The following MTA3 variants were observed in gnomAD, a reference collection of about 807,000 sequenced individuals.
MTA3 encodes the protein metastasis-associated protein MTA3.
Under a neutral mutation model 83.5 loss-of-function variants are expected in MTA3, and 34 were observed. The observed-to-expected ratio is 0.41, with a 90% CI of 0.31 to 0.54. The LOEUF (loss-of-function observed/expected upper bound fraction) is 0.54, where lower values mean the gene tolerates loss of function less well. Ranked by LOEUF, MTA3 falls within the 20% of genes least tolerant of loss-of-function variation. The probability of loss-of-function intolerance (pLI) is 0.33; values close to 1 mark genes in which losing one functional copy is unlikely to be tolerated. For missense variants in MTA3, 761 were observed against 726.4 expected, an observed-to-expected ratio of 1.05 and a Z score of -0.55; for synonymous variants, 303 against 252.7, an observed-to-expected ratio of 1.20 and a Z score of -1.89.
At chr2:42,517,012 C>T (rs1007379589) in intron 2 of MTA3, among the ~76,000 whole-genome samples, 13 of 152,112 alleles carry the variant, frequency 8.5e-5, no homozygotes, top group Non-Finnish European at 1.9e-4. Flanking sequence ...GTAAACCCAG[C>T]ACTTTGGGAG....
intron 4 of MTA3, among the ~76,000 whole-genome samples, chr2:42,637,791 CTG>C (rs1225630563): frequency 6.6e-6 from 1 of 151,952 alleles, no homozygotes. Context: ...TCATTATAAC[CTG>C]TGTTTCCTTA....
intron 4 of MTA3, among the ~76,000 whole-genome samples, chr2:42,620,539 C>A (rs898236914): frequency 2.2e-4 from 33 of 152,150 alleles, no homozygotes; most frequent in African/African-American, 7.5e-4. Context: ...GTTGCTCAGG[C>A]TAGAGTACAG....
chr2:42,538,709 TAA>T (rs74857025), intron 2 of MTA3, among the ~76,000 whole-genome samples: 2 of 75,474 alleles, frequency 2.6e-5, no homozygotes, highest in Admixed American at 1.6e-4. Context: ...TGACTCTTTC[TAA>T]AAAAAAAAAA....
chr2:42,709,407 A>C (rs3816186), intron 14 of MTA3: 449,551 of 756,188 alleles, frequency 0.59, 137,316 homozygotes, highest in African/African-American at 0.84. Context: ...GCCCTTATTG[A>C]AGCACTTTTA....
chr2:42,638,667 G>C (rs771480150), intron 4 of MTA3, among the ~76,000 whole-genome samples: 7 of 150,350 alleles, frequency 4.7e-5, no homozygotes, highest in Non-Finnish European at 1.0e-4. Context: ...CACAATTGTT[G>C]TCTTTTCAGT....
At chr2:42,601,478 TTTG>T (rs987070498) in intron 3 of MTA3, among the ~76,000 whole-genome samples, 7 of 152,134 alleles carry the variant, frequency 4.6e-5, no homozygotes, top group East Asian at 1.9e-4. Flanking sequence ...CCTTGTCTGT[TTTG>T]TTGTTGTTGT....
chr2:42,709,256 G>A, intron 14 of MTA3, 160 bp downstream of exon 14: 5 of 1,420,202 alleles, frequency 3.5e-6, no homozygotes, highest in Non-Finnish European at 4.6e-6. Flanking sequence ...TTTGTGTGCT[G>A]CCATTTGTAT....
At chr2:42,680,793 C>T (rs186159110) in intron 8 of MTA3, among the ~76,000 whole-genome samples, 47 of 152,218 alleles carry the variant, frequency 3.1e-4, no homozygotes, top group Admixed American at 2.7e-3. Flanking sequence ...ACTCTGTTGC[C>T]CAGGCTGGGG....
chr2:42,620,363 A>G (rs1019549098), intron 4 of MTA3, among the ~76,000 whole-genome samples: 8 of 151,970 alleles, frequency 5.3e-5, no homozygotes, highest in South Asian at 2.1e-4. Flanking sequence ...AGGTGATTCC[A>G]CCTGCCTTGG....
chr2:42,723,188 G>T (rs146720372), intron 16 of MTA3, 153 bp downstream of exon 16: 1 of 911,646 alleles, frequency 1.1e-6, no homozygotes, highest in Non-Finnish European at 1.6e-6. Context: ...ACAGCCATAT[G>T]CCACATTTTG....
intron 16 of MTA3, among the ~76,000 whole-genome samples, chr2:42,747,533 A>T (rs1001454465): frequency 1.3e-5 from 2 of 151,906 alleles, no homozygotes; most frequent in African/African-American, 4.8e-5. Flanking sequence ...TCAAGGAGAG[A>T]GACTCTGTTT....
intron 4 of MTA3, among the ~76,000 whole-genome samples, chr2:42,617,086 T>G (rs1446909244): frequency 6.6e-6 from 1 of 152,206 alleles, no homozygotes; most frequent in Non-Finnish European, 1.5e-5. Flanking sequence ...AAGAGCAATT[T>G]GCAGCAACCA....
intron 7 of MTA3, among the ~76,000 whole-genome samples, chr2:42,657,792 C>T (rs1344069141): frequency 6.9e-6 from 1 of 145,604 alleles, no homozygotes; most frequent in Non-Finnish European, 1.5e-5. Context: ...AAGGGCCCGG[C>T]ACAGTGGCTC....
At chr2:42,600,112 C>G (rs965444584) in intron 3 of MTA3, among the ~76,000 whole-genome samples, 1 of 151,950 alleles carries the variant, frequency 6.6e-6, no homozygotes. Flanking sequence ...GCAGGAGAAT[C>G]GCTTGAACCC....
intron 14 of MTA3, among the ~76,000 whole-genome samples, chr2:42,711,490 T>C (rs1666606644): frequency 6.6e-6 from 1 of 152,246 alleles, no homozygotes. Flanking sequence ...TGTATTTAGC[T>C]TCACTGGTCA....
At chr2:42,556,153 A>G (rs1677382209) in intron 2 of MTA3, among the ~76,000 whole-genome samples, 2 of 151,688 alleles carry the variant, frequency 1.3e-5, no homozygotes, top group Admixed American at 6.6e-5. Flanking sequence ...GGAAAAAAAA[A>G]GCAGCCTGAG....
intron 16 of MTA3, among the ~76,000 whole-genome samples, chr2:42,740,730 C>T (rs904806648): frequency 2.0e-5 from 3 of 152,324 alleles, no homozygotes; most frequent in Middle Eastern, 3.4e-3. Flanking sequence ...TAAGATATTC[C>T]GTAAACCATG....
At chr2:42,674,336 A>T (rs1054527372) in intron 8 of MTA3, among the ~76,000 whole-genome samples, 1 of 152,216 alleles carries the variant, frequency 6.6e-6, no homozygotes, top group African/African-American at 2.4e-5. Context: ...AAAGATGAGA[A>T]TTCCATTGCC....
intron 4 of MTA3, among the ~76,000 whole-genome samples, chr2:42,616,340 G>A (rs1381546552): frequency 6.6e-6 from 1 of 151,970 alleles, no homozygotes; most frequent in Non-Finnish European, 1.5e-5. Flanking sequence ...TGGGATTACA[G>A]GCGTGAGCCA....
Sources: gnomAD v4.1 joint callset for allele counts (sites outside exome capture counted in the v4.1 genomes callset) on GRCh38, gnomAD v4.1.1 for gene constraint, MANE v1.5 for transcripts, NCBI Gene and HGNC (gene_info 2026-07-23, HGNC 2026-07-21) for gene names.